TMX2: variants seen among roughly 807,000 people sequenced by gnomAD.
TMX2 encodes thioredoxin related transmembrane protein 2, also known as thioredoxin-related transmembrane protein 2.
Under a neutral mutation model 33.4 loss-of-function variants are expected in TMX2, and 20 were observed. That is an observed-to-expected ratio of 0.60 (90% confidence interval 0.42 to 0.87). The LOEUF (loss-of-function observed/expected upper bound fraction) is 0.87. Ranked by LOEUF, TMX2 falls within the 40% of genes least tolerant of loss-of-function variation. The pLI, the probability that TMX2 is intolerant of heterozygous loss-of-function variation, is 0.00. For missense variants in TMX2, 340 were observed against 370.7 expected (o/e 0.92, Z 0.68); for synonymous variants, 166 against 140.7 (o/e 1.18, Z -1.27).
intron 1 of TMX2, among the ~76,000 whole-genome samples, chr11:57,733,483 C>T (rs1269854935): frequency 1.3e-5 from 2 of 152,078 alleles, no homozygotes; most frequent in Middle Eastern, 3.4e-3. Context: ...TCTTGAATTC[C>T]TGACCTCAGG....
intron 1 of TMX2, among the ~76,000 whole-genome samples, chr11:57,728,933 C>A (rs1447673668): frequency 6.6e-6 from 1 of 152,072 alleles, no homozygotes; most frequent in African/African-American, 2.4e-5. Context: ...AGGAAACACA[C>A]ATGAGGGCTG....
intron 1 of TMX2, among the ~76,000 whole-genome samples, chr11:57,722,627 T>TA (rs2055588800): frequency 6.6e-6 from 1 of 152,234 alleles, no homozygotes; most frequent in African/African-American, 2.4e-5. Context: ...TCAAGTAATT[T>TA]AAAAAATGTA....
intron 1 of TMX2, among the ~76,000 whole-genome samples, chr11:57,734,348 A>G (rs2135603417): frequency 6.6e-6 from 1 of 152,292 alleles, no homozygotes; most frequent in East Asian, 1.9e-4. Flanking sequence ...AAATAAATGA[A>G]GTTTGCAGTA....
chr11:57,712,665 G>C lies in TMX2; in HGVS notation c.47G>C (p.Arg16Pro). ...PLIALVYSVPRLSRWLAQPYY... is the reference protein window; with the variant it reads ...PLIALVYSVPPLSRWLAQPYY... ...ATTGCTCTCGTGTATTCGGTGCCGCGACTTTCACGATGGCTCGCCCAACCT... is the reference window on the plus strand; with the variant it reads ...ATTGCTCTCGTGTATTCGGTGCCGCCACTTTCACGATGGCTCGCCCAACCT... Residue 16 changes from arginine (R) to proline (P), a missense_variant, in exon 1 of 8, where the codon CGA becomes CCA. Around this residue, in one of 3 missense-constraint regions of TMX2, gnomAD observed 106 missense variants for 82.7 expected, o/e 1.28. Transcript: ENST00000278422. 6.2e-7 allele frequency: 1 copy of C among 1,614,170 alleles called. No homozygotes were observed. Among genetic ancestry groups the C allele is most frequent in the Non-Finnish European group, 8.5e-7 (1 of 1,180,034 alleles).
rs1948900600 is a variant in TMX2, at chr11:57,738,684, G to T, written c.462G>T (p.Lys154Asn). The change falls in exon 5 of 8, where the codon AAG (lysine) becomes AAT (asparagine). Residue 154 changes from lysine (K) to asparagine (N), a missense_variant. Physicochemically the swap from Lys to Asn is moderately conservative, Grantham distance 94. Around this residue, in one of 3 missense-constraint regions of TMX2, gnomAD observed 209 missense variants for 241.6 expected, o/e 0.87. Coordinates refer to ENST00000278422, the MANE Select transcript of TMX2 (RefSeq NM_015959.4). ...KTIDEELERD[K>N]RVTWIVEFFA... is the part of the protein sequence containing the mutation. ...GGCAGGAGGAACTAGAACGGGACAA[G>T]AGGGTCACTTGGATTGTGGAGTTCT... The T allele has an allele frequency of 1.2e-6, 2 of 1,613,946 alleles. No homozygotes were observed. Among genetic ancestry groups the T allele is most frequent in the East Asian group, 4.5e-5 (2 of 44,882 alleles).
rs1948937031 is a variant in TMX2, at chr11:57,739,240, G to A, written c.724G>A (p.Val242Ile). The A allele has an allele frequency of 1.2e-6, 2 of 1,613,988 alleles. No individual in the cohort carries two copies. Among genetic ancestry groups the A allele is most frequent in the African/African-American group, 1.3e-5 (1 of 74,890 alleles). The change falls in exon 7 of 8, where the codon GTC (valine) becomes ATC (isoleucine). Residue 242 changes from valine (V) to isoleucine (I), a missense_variant. Val to Ile is a conservative substitution (Grantham distance 29). Coordinates refer to ENST00000278422, the MANE Select transcript of TMX2 (RefSeq NM_015959.4). ...ACAGATTGACAAGAAAGGACGGGCT[G>A]TCTCATGGACCTTCTCTGAGGTACC... ...RPQIDKKGRA[V>I]SWTFSEENVI...
At chr11:57,722,143 G>A (rs1028776613) in intron 1 of TMX2, among the ~76,000 whole-genome samples, 5 of 152,034 alleles carry the variant, frequency 3.3e-5, no homozygotes, top group Middle Eastern at 3.2e-3. Context: ...GTACAGGCAC[G>A]TGCCAACATA....
chr11:57,739,309 G>A (rs1948941283), intron 7 of TMX2, 49 bp downstream of exon 7: 1 of 1,607,132 alleles, frequency 6.2e-7, no homozygotes. Flanking sequence ...ACAGTAGGTG[G>A]GCTTTCAAGC....
At chr11:57,739,412 A>ACAT in intron 7 of TMX2, 152 bp downstream of exon 7, 1 of 746,534 alleles carries the variant, frequency 1.3e-6, no homozygotes, top group Non-Finnish European at 2.2e-6. Context: ...TTCATTTAGC[A>ACAT]AATATATATT....
chr11:57,718,653 CTTTTTTTTT>C, intron 1 of TMX2: 1 of 208,558 alleles, frequency 4.8e-6, no homozygotes, highest in Non-Finnish European at 8.8e-6. Context: ...AACCCCCCCT[CTTTTTTTTT>C]TTTTTTTTTT....
At chr11:57,714,787 T>A (rs1020650131) in intron 1 of TMX2, among the ~76,000 whole-genome samples, 1 of 151,814 alleles carries the variant, frequency 6.6e-6, no homozygotes, top group Admixed American at 6.6e-5. Flanking sequence ...CAAGGTGGGG[T>A]CTCTTGATGT....
In TMX2 at chr11:57,738,959, A is replaced by G; in HGVS notation, c.549-15A>G. ...TTATTTTTTTTCAGCATATTAAATA[A>G]TATATTCTTTTCAGATACAACTGTA... is the stretch of plus-strand genomic sequence containing the variant. On this transcript the variant is annotated splice_polypyrimidine_tract_variant and intron_variant, in intron 5 of 7. Coordinates refer to ENST00000278422, the MANE Select transcript of TMX2 (RefSeq NM_015959.4). The G allele has an allele frequency of 6.2e-7, 1 of 1,611,294 alleles. No individual in the cohort carries two copies. Among genetic ancestry groups the G allele is most frequent in the Non-Finnish European group, 8.5e-7 (1 of 1,177,828 alleles).
Position 57,737,899 on chromosome 11 carries a change from T to C in TMX2, c.251-14T>C. 1 of 1,614,244 alleles carries C rather than the reference T, an allele frequency of 6.2e-7. No individual in the cohort carries two copies. Among genetic ancestry groups the C allele is most frequent in the East Asian group, 2.2e-5 (1 of 44,888 alleles). ...GCACAGCCCAGCCTGACCTGTGACA[T>C]CTCTGTGTTTCAGTCACTGTGGAGC... On this transcript the variant is annotated splice_polypyrimidine_tract_variant and intron_variant, in intron 2 of 7. Transcript: ENST00000278422.
chr11:57,735,278 G>A (rs368489135), intron 1 of TMX2, among the ~76,000 whole-genome samples: 6 of 149,860 alleles, frequency 4.0e-5, no homozygotes, highest in Non-Finnish European at 8.9e-5. Context: ...GCACGATCTC[G>A]GCTCACTGCA....
intron 1 of TMX2, among the ~76,000 whole-genome samples, chr11:57,721,468 C>T (rs1947628798): frequency 6.6e-6 from 1 of 151,394 alleles, no homozygotes; most frequent in Non-Finnish European, 1.5e-5. Flanking sequence ...AGGCATGTGC[C>T]ACCATGCCCA....
intron 1 of TMX2, among the ~76,000 whole-genome samples, chr11:57,716,856 C>T (rs927377614): frequency 9.3e-5 from 14 of 150,620 alleles, no homozygotes; most frequent in African/African-American, 3.5e-4. Flanking sequence ...CCCCCCACCT[C>T]CCTCCTGGAC....
Position 57,739,235 on chromosome 11 carries a change from G to A in TMX2, c.719G>A (p.Arg240Gln), listed in dbSNP as rs1277937871. The A allele has an allele frequency of 1.2e-6, 2 of 1,614,072 alleles. No homozygotes were observed. Among genetic ancestry groups the A allele is most frequent in the African/African-American group, 1.3e-5 (1 of 75,000 alleles). The change falls in exon 7 of 8, where the codon CGG (arginine) becomes CAG (glutamine). Residue 240 changes from arginine (R) to glutamine (Q), a missense_variant. Physicochemically the swap from Arg to Gln is conservative, Grantham distance 43 (BLOSUM62 1). Transcript: ENST00000278422. ...CGGCCACAGATTGACAAGAAAGGAC[G>A]GGCTGTCTCATGGACCTTCTCTGAG... ...MRRPQIDKKG[R>Q]AVSWTFSEEN...
chr11:57,719,025 A>G (rs1351137658), intron 1 of TMX2, among the ~76,000 whole-genome samples: 2 of 90,946 alleles, frequency 2.2e-5, no homozygotes, highest in African/African-American at 9.7e-5. Flanking sequence ...CAGGCCATAT[A>G]TATATATATT....
chr11:57,715,194 G>GT (rs1221829561), intron 1 of TMX2, among the ~76,000 whole-genome samples: 1 of 152,072 alleles, frequency 6.6e-6, no homozygotes, highest in Admixed American at 6.6e-5. Flanking sequence ...GAGCTCAGGA[G>GT]TTCGAGACCA....
Sources: allele counts gnomAD v4.1 joint callset (sites outside exome capture counted in the v4.1 genomes callset), GRCh38; gene constraint gnomAD v4.1.1; regional missense constraint gnomAD v4.1.1; transcripts MANE v1.5; gene names NCBI Gene and HGNC (gene_info 2026-07-23, HGNC 2026-07-21).